The following VPS13C variants were observed in gnomAD, a reference collection of about 807,000 sequenced individuals.
VPS13C encodes intermembrane lipid transfer protein VPS13C.
In VPS13C, 358 loss-of-function variants were observed where a neutral mutation model predicts 456.8. That is an observed-to-expected ratio of 0.78 (90% CI 0.72 to 0.86). VPS13C has a LOEUF of 0.86. Ranked by LOEUF, VPS13C falls within the 40% of genes least tolerant of loss-of-function variation. VPS13C has a pLI of 0.00. For missense variants in VPS13C, 4,818 were observed against 4,385.4 expected, an observed-to-expected ratio of 1.10 and a Z score of -2.79; for synonymous variants, 1,578 against 1,486.7, an observed-to-expected ratio of 1.06 and a Z score of -1.41.
chr15:61,854,946 A>C lies in VPS13C; in HGVS notation c.11085T>G (p.Gly3695=), dbSNP rs1893825150. The C allele has an allele frequency of 6.3e-7, 1 of 1,592,374 alleles. No homozygotes were observed. The highest frequency in any genetic ancestry group is 2.2e-5 in the East Asian group (1 of 44,734). Residue 3695 remains glycine (G), a synonymous_variant, in exon 84 of 85, where the codon GGT becomes GGG. Transcript: ENST00000644861. ...NVLKISVKEQ[G]LFHKKDSANQ... is the part of the protein sequence containing the mutation. ...TGGCACTGTCTTTTTTGTGGAACAG[A>C]CCCTGTTCCTGTTTCAAAAGAAACA...
At chr15:61,989,524 C>T (rs950597942) in intron 18 of VPS13C, among the ~76,000 whole-genome samples, 1 of 151,992 alleles carries the variant, frequency 6.6e-6, no homozygotes, top group Non-Finnish European at 1.5e-5. Flanking sequence ...TAGCAAAGGC[C>T]TCATATCCAG....
intron 22 of VPS13C, among the ~76,000 whole-genome samples, chr15:61,978,980 T>C (rs1486820047): frequency 1.3e-5 from 2 of 152,248 alleles, no homozygotes; most frequent in African/African-American, 4.8e-5. Context: ...CACATTTTCA[T>C]GTTTGAGCTG....
intron 52 of VPS13C, among the ~76,000 whole-genome samples, chr15:61,925,911 T>A (rs1321837907): frequency 6.6e-6 from 1 of 152,192 alleles, no homozygotes; most frequent in African/African-American, 2.4e-5. Context: ...AAGACTGTGG[T>A]AAGGTAGGTA....
intron 66 of VPS13C, among the ~76,000 whole-genome samples, chr15:61,895,794 G>C (rs1273913689): frequency 6.6e-6 from 1 of 152,154 alleles, no homozygotes; most frequent in Non-Finnish European, 1.5e-5. Context: ...GCAGATACTA[G>C]AGGCTGGGAA....
intron 29 of VPS13C, 92 bp from the exon 30 acceptor site, chr15:61,966,234 A>G (rs2045372348): frequency 1.2e-6 from 1 of 837,428 alleles, no homozygotes; most frequent in Non-Finnish European, 1.8e-6. Context: ...ATTTATAGTT[A>G]TAAATGTATT....
At position 61,959,551 on chromosome 15, in the gene VPS13C, A is replaced by AT. The variant is rs1364377484; in HGVS notation, c.3952_3953insA (p.Leu1318TyrfsTer5). 1 of 1,613,246 alleles carries AT rather than the reference A, an allele frequency of 6.2e-7. No individual in the cohort carries two copies. Among genetic ancestry groups the AT allele is most frequent in the African/African-American group, 1.3e-5 (1 of 74,912 alleles). On this transcript the variant is annotated frameshift_variant, in exon 36 of 85. Coordinates refer to ENST00000644861, the MANE Select transcript of VPS13C (RefSeq NM_020821.3). LOFTEE classifies it high-confidence loss of function. ...AAGAAATTCCAAGTTAATTGGGTGCAACAGCTGAATATCAGGATGGTAGAT... is the reference window on the plus strand; with the variant it reads ...AAGAAATTCCAAGTTAATTGGGTGCATACAGCTGAATATCAGGATGGTAGAT...
intron 16 of VPS13C, among the ~76,000 whole-genome samples, chr15:61,993,502 T>C (rs1464910883): frequency 1.3e-5 from 2 of 152,088 alleles, no homozygotes; most frequent in East Asian, 1.9e-4. Flanking sequence ...TCTACCTAAA[T>C]ATCTGAAAAC....
intron 38 of VPS13C, among the ~76,000 whole-genome samples, 163 bp from the exon 39 acceptor site, chr15:61,952,143 C>CT (rs2044822499): frequency 6.6e-6 from 1 of 152,210 alleles, no homozygotes; most frequent in South Asian, 2.1e-4. Flanking sequence ...TCCCAGAACT[C>CT]CTAGTCTGAT....
chr15:62,018,239 C>G (rs2047329457), intron 9 of VPS13C, among the ~76,000 whole-genome samples: 1 of 152,078 alleles, frequency 6.6e-6, no homozygotes, highest in Non-Finnish European at 1.5e-5. Context: ...CAAACACGGA[C>G]AATTTGACTT....
At position 61,962,646 on chromosome 15, in the gene VPS13C, T is replaced by C. The variant is rs116538864; in HGVS notation, c.3435+103A>G. 2,640 of 1,305,082 alleles carry C rather than the reference T, an allele frequency of 2.0e-3. 51 individuals are homozygous for C. In the African/African-American group the frequency reaches 0.034, roughly 17 times the overall value. The allele number at this position is 1,305,082 out of a possible 1,614,324, so 80.8% of individuals were successfully genotyped here. On this transcript the variant is annotated intron_variant, in intron 33 of 84. Coordinates refer to ENST00000644861, the MANE Select transcript of VPS13C (RefSeq NM_020821.3). ...TAATCTTTATAAAAAAATTTTTCTATTGAAATATATTTCATTAATGTTTTT... is the reference window on the plus strand; with the variant it reads ...TAATCTTTATAAAAAAATTTTTCTACTGAAATATATTTCATTAATGTTTTT...
intron 39 of VPS13C, 59 bp from the exon 40 acceptor site, chr15:61,951,083 C>T (rs2044774601): frequency 6.4e-6 from 7 of 1,100,074 alleles, no homozygotes; most frequent in South Asian, 4.7e-5. Context: ...CATTTTAAAA[C>T]AGGACCAGCC....
intron 5 of VPS13C, among the ~76,000 whole-genome samples, chr15:62,033,201 T>G (rs2047876048): frequency 6.6e-6 from 1 of 151,368 alleles, no homozygotes; most frequent in African/African-American, 2.4e-5. Context: ...ACAATAAAAA[T>G]GACTAATTAA....
chr15:61,967,658 A>G (rs1034722667), intron 28 of VPS13C, among the ~76,000 whole-genome samples: 1 of 152,030 alleles, frequency 6.6e-6, no homozygotes, highest in African/African-American at 2.4e-5. Context: ...AAAAACATGC[A>G]TATTTATTTT....
At chr15:61,946,532 C>T (rs538763630) in intron 43 of VPS13C, 122 bp from the exon 44 acceptor site, 5 of 519,614 alleles carry the variant, frequency 9.6e-6, no homozygotes, top group Non-Finnish European at 1.6e-5. Flanking sequence ...TTATAAGACA[C>T]ATTAATGGCA....
chr15:61,912,973 A>C (rs2043348715), intron 62 of VPS13C, among the ~76,000 whole-genome samples: 1 of 151,236 alleles, frequency 6.6e-6, no homozygotes, highest in Non-Finnish European at 1.5e-5. Context: ...AATCAAAACC[A>C]CAATGAGATA....
intron 23 of VPS13C, 88 bp downstream of exon 23, chr15:61,978,538 G>C: frequency 6.9e-7 from 1 of 1,444,560 alleles, no homozygotes; most frequent in Non-Finnish European, 9.2e-7. Flanking sequence ...GGTTGTCAGG[G>C]TTGATATATA....
In VPS13C at chr15:61,907,247, T is replaced by A. The variant is rs963715804; in HGVS notation, c.9105+17A>T. 6.2e-7 allele frequency: 1 copy of A among 1,613,316 alleles called. No homozygotes were observed. Among genetic ancestry groups the A allele is most frequent in the Middle Eastern group, 1.7e-4 (1 of 6,054 alleles). Reference sequence around the variant, plus strand: ...TGTCAGGTAACTCATATAGCACTCATTCACATCAAAAGATACCTTTAACAG... The same window carrying A: ...TGTCAGGTAACTCATATAGCACTCAATCACATCAAAAGATACCTTTAACAG... On this transcript the variant is annotated intron_variant, in intron 66 of 84. Coordinates refer to ENST00000644861, the MANE Select transcript of VPS13C (RefSeq NM_020821.3).
chr15:62,038,945 A>T (rs1476326671), intron 3 of VPS13C, among the ~76,000 whole-genome samples: 1 of 152,196 alleles, frequency 6.6e-6, no homozygotes, highest in African/African-American at 2.4e-5. Context: ...AAAAGTCAAA[A>T]AATAACAGAT....
chr15:62,048,311 T>A (rs921518723), intron 1 of VPS13C, among the ~76,000 whole-genome samples: 7 of 135,148 alleles, frequency 5.2e-5, no homozygotes, highest in East Asian at 4.9e-4. Flanking sequence ...TGTCCATGTG[T>A]TCTCATTGTT....
Sources: allele counts gnomAD v4.1 joint callset (sites outside exome capture counted in the v4.1 genomes callset), GRCh38; gene constraint gnomAD v4.1.1; transcripts MANE v1.5; gene names NCBI Gene and HGNC (gene_info 2026-07-23, HGNC 2026-07-21).